Variants in SHROOM2 observed in about 807,000 individuals in gnomAD.
SHROOM2 encodes shroom family member 2.
Under a neutral mutation model 75.9 loss-of-function variants are expected in SHROOM2, and 33 were observed. The ratio of observed to expected loss-of-function variants is 0.43; its 90% confidence interval spans 0.33 to 0.58. SHROOM2 has a LOEUF of 0.58. Among genes scored for constraint, SHROOM2 ranks in the 20% least tolerant of loss-of-function variants. SHROOM2 has a pLI of 0.04. For synonymous variants in SHROOM2, 655 were observed against 663.6 expected, an observed-to-expected ratio of 0.99 and a Z score of 0.20; for missense variants, 1,434 against 1,461.2, an observed-to-expected ratio of 0.98 and a Z score of 0.30.
chrX:9,805,903 CAA>C (rs34172058), intron 1 of SHROOM2, among the ~76,000 whole-genome samples: 4,514 of 51,777 alleles, frequency 0.087, 268 homozygotes, highest in African/African-American at 0.22. Flanking sequence ...AACTGTGTCT[CAA>C]AAAAAAAAAA....
chrX:9,846,388 G>A lies in SHROOM2; in HGVS notation c.166-27264G>A, dbSNP rs139816516. On this transcript the variant is annotated intron_variant, in intron 1 of 9. Coordinates refer to ENST00000380913, the MANE Select transcript of SHROOM2 (RefSeq NM_001649.4). ...CAGCTCACTGCAACCTCCGCCTCCCGGGTTCAAGTGATTCTGCTGCCTCAG... is the reference window on the plus strand; with the variant it reads ...CAGCTCACTGCAACCTCCGCCTCCCAGGTTCAAGTGATTCTGCTGCCTCAG... Among the ~76,000 whole-genome samples the A allele has an allele frequency of 6.7e-3, 757 of 112,245 alleles. 4 individuals carry two copies. The highest frequency in any genetic ancestry group is 0.024 in the African/African-American group (732 of 30,934).
Position 9,836,693 on chromosome X carries a change from C to T in SHROOM2, c.166-36959C>T, listed in dbSNP as rs764534441. ...CCTCCCATCTCAACCTCCCAAACTGCTGGGATTACAGGCGTGAGCCACTGT... is the reference window on the plus strand; with the variant it reads ...CCTCCCATCTCAACCTCCCAAACTGTTGGGATTACAGGCGTGAGCCACTGT... On this transcript the variant is annotated intron_variant, in intron 1 of 9. Coordinates refer to ENST00000380913, the MANE Select transcript of SHROOM2 (RefSeq NM_001649.4). Among the ~76,000 whole-genome samples the T allele has an allele frequency of 2.7e-5, 3 of 111,239 alleles. No individual in the cohort carries two copies. In the Admixed American group the frequency reaches 2.9e-4, roughly 11 times the overall value.
Position 9,895,482 on chromosome X carries a change from G to A in SHROOM2, c.1574G>A (p.Gly525Asp). Residue 525 changes from glycine to aspartate, a missense_variant, in exon 4 of 10, where the codon GGT (glycine) becomes GAT (aspartate). Transcript: ENST00000380913. ...SPRHHLPQPE[G>D]PPDARETGRC... ...CGCCATCACCTACCTCAGCCTGAGG[G>A]TCCTCCGGATGCCCGCGAGACAGGA... 8.3e-7 allele frequency: 1 copy of A among 1,208,774 alleles called. No individual in the cohort carries two copies. Among genetic ancestry groups the A allele is most frequent in the Non-Finnish European group, 1.1e-6 (1 of 894,435 alleles).
chrX:9,792,454 G>GTTTTTTTTTT (rs34640554), intron 1 of SHROOM2, among the ~76,000 whole-genome samples: 3 of 98,236 alleles, frequency 3.1e-5, no homozygotes, highest in Non-Finnish European at 6.3e-5. Context: ...GTTTTTTTGT[G>GTTTTTTTTTT]TTGTTTTTTT....
chrX:9,944,352 T>C (rs781543674), intron 8 of SHROOM2, among the ~76,000 whole-genome samples: 1 of 111,786 alleles, frequency 8.9e-6, no homozygotes, highest in Non-Finnish European at 1.9e-5. Context: ...TGAAACTGCA[T>C]CTACCATGAC....
chrX:9,812,982 G>T (rs147433978), intron 1 of SHROOM2, among the ~76,000 whole-genome samples: 2 of 112,399 alleles, frequency 1.8e-5, no homozygotes, highest in African/African-American at 3.2e-5. Context: ...CGATAATCCA[G>T]TGTCATTCTC....
chrX:9,848,202 C>T (rs1292261513), intron 1 of SHROOM2, among the ~76,000 whole-genome samples: 1 of 111,695 alleles, frequency 9.0e-6, no homozygotes, highest in Non-Finnish European at 1.9e-5. Flanking sequence ...GAAGTCAAGT[C>T]AGGTATGTAT....
chrX:9,915,775 A>G (rs778992739), intron 5 of SHROOM2, among the ~76,000 whole-genome samples: 3 of 112,357 alleles, frequency 2.7e-5, no homozygotes, highest in Non-Finnish European at 3.8e-5. Context: ...AAATATCTGA[A>G]GTCTATTGGA....
chrX:9,859,833 C>T (rs1271553977), intron 1 of SHROOM2, among the ~76,000 whole-genome samples: 2 of 111,175 alleles, frequency 1.8e-5, no homozygotes, highest in Non-Finnish European at 3.8e-5. Flanking sequence ...CTCCCCCTCA[C>T]CTGATCAAAC....
chrX:9,829,344 G>A (rs928806905), intron 1 of SHROOM2, among the ~76,000 whole-genome samples: 7 of 112,265 alleles, frequency 6.2e-5, no homozygotes, highest in Admixed American at 5.7e-4. Context: ...AGTAGCTGTC[G>A]CCAGTCTACA....
At chrX:9,834,060 G>A (rs1157170242) in intron 1 of SHROOM2, among the ~76,000 whole-genome samples, 1 of 112,553 alleles carries the variant, frequency 8.9e-6, no homozygotes, top group Non-Finnish European at 1.9e-5. Flanking sequence ...AGGTATTTTT[G>A]GTTGTCTTAA....
At chrX:9,891,934 T>C (rs1352706020) in intron 3 of SHROOM2, among the ~76,000 whole-genome samples, 2 of 110,076 alleles carry the variant, frequency 1.8e-5, no homozygotes, top group Non-Finnish European at 3.8e-5. Flanking sequence ...TGTTTGGAGC[T>C]AATGTAACCA....
intron 1 of SHROOM2, among the ~76,000 whole-genome samples, chrX:9,857,931 C>T (rs1472357243): frequency 9.0e-6 from 1 of 110,845 alleles, no homozygotes; most frequent in Non-Finnish European, 1.9e-5. Flanking sequence ...CTGTAGACCC[C>T]ATCCTGAGGG....
chrX:9,848,435 C>T (rs755988039), intron 1 of SHROOM2, among the ~76,000 whole-genome samples: 37 of 85,963 alleles, frequency 4.3e-4, no homozygotes, highest in Middle Eastern at 7.0e-3. Context: ...ACCCGGGAAG[C>T]GGAGCTTGCA....
At chrX:9,903,327 C>T (rs925631948) in intron 5 of SHROOM2, among the ~76,000 whole-genome samples, 5 of 112,078 alleles carry the variant, frequency 4.5e-5, no homozygotes, top group African/African-American at 1.3e-4. Context: ...TGTGCTGGAT[C>T]GGGTCAGGAT....
chrX:9,883,928 C>CT (rs2084245491), intron 2 of SHROOM2, among the ~76,000 whole-genome samples: 1 of 111,762 alleles, frequency 8.9e-6, no homozygotes, highest in African/African-American at 3.3e-5. Context: ...GGCCCCCAGA[C>CT]TGTTTCCAGG....
chrX:9,903,102 C>T (rs777511280), intron 5 of SHROOM2, among the ~76,000 whole-genome samples: 1 of 112,316 alleles, frequency 8.9e-6, no homozygotes, highest in South Asian at 3.7e-4. Context: ...TGAGAGGTGA[C>T]TTGGTGTACA....
At chrX:9,885,439 C>CA (rs1310105612) in intron 2 of SHROOM2, among the ~76,000 whole-genome samples, 1 of 110,599 alleles carries the variant, frequency 9.0e-6, no homozygotes, top group African/African-American at 3.3e-5. Flanking sequence ...ATCTCCTTAT[C>CA]AACACCAATC....
chrX:9,885,360 A>G (rs1319194892), intron 2 of SHROOM2, among the ~76,000 whole-genome samples: 1 of 108,827 alleles, frequency 9.2e-6, no homozygotes, highest in Non-Finnish European at 1.9e-5. Context: ...GCGCCAGAGC[A>G]CTCTGTCCCC....
Sources: allele counts gnomAD v4.1 joint callset (sites outside exome capture counted in the v4.1 genomes callset), GRCh38; gene constraint gnomAD v4.1.1; transcripts MANE v1.5; gene names NCBI Gene and HGNC (gene_info 2026-07-23, HGNC 2026-07-21).